Variants in TENM1 observed in about 807,000 individuals in gnomAD.
TENM1 encodes the protein teneurin-1.
TENM1 carries 35 observed loss-of-function variants against 174.8 expected under a neutral mutation model. The ratio of observed to expected loss-of-function variants is 0.20; its 90% CI spans 0.15 to 0.27. TENM1 has a LOEUF of 0.27. TENM1 is among the 10% of genes least tolerant of loss of function. The pLI, the probability that TENM1 is intolerant of heterozygous loss-of-function variation, is 1.00. For synonymous variants in TENM1, 781 were observed against 798.7 expected, an observed-to-expected ratio of 0.98 and a Z score of 0.37; for missense variants, 1,633 against 2,130.1, an observed-to-expected ratio of 0.77 and a Z score of 4.59.
chrX:124,519,214 C>G (rs1215127010), intron 18 of TENM1, among the ~76,000 whole-genome samples: 1 of 111,633 alleles, frequency 9.0e-6, no homozygotes, highest in Non-Finnish European at 1.9e-5. Context: ...TTGAGTCCTG[C>G]TTGTGAGGCT....
the TENM1 span, among the ~76,000 whole-genome samples, chrX:125,175,044 G>A: frequency 2.7e-5 from 3 of 111,242 alleles, no homozygotes; most frequent in Non-Finnish European, 5.7e-5. Context: ...ATACACATGC[G>A]CACACACAAG....
the TENM1 span, among the ~76,000 whole-genome samples, chrX:125,011,501 A>ACC: frequency 9.0e-6 from 1 of 111,242 alleles, no homozygotes; most frequent in Non-Finnish European, 1.9e-5. Flanking sequence ...GAAACAAACA[A>ACC]CCCCATCAAA....
intron 3 of TENM1, among the ~76,000 whole-genome samples, chrX:124,744,733 G>T (rs1030738993): frequency 1.1e-4 from 12 of 112,006 alleles, no homozygotes; most frequent in Admixed American, 9.5e-5. Context: ...GGTAGGTAAT[G>T]GAGGGTTATG....
intron 1 of TENM1, among the ~76,000 whole-genome samples, chrX:124,921,518 TTAAA>T (rs1428014712): frequency 2.7e-5 from 3 of 111,996 alleles, no homozygotes; most frequent in African/African-American, 9.7e-5. Flanking sequence ...TCTGGAAATA[TTAAA>T]TGTTATATGT....
At chrX:124,998,109 G>A in the TENM1 span, among the ~76,000 whole-genome samples, 401 of 101,679 alleles carry the variant, frequency 3.9e-3, 1 homozygote, top group African/African-American at 0.014. Flanking sequence ...AAAAAAAAAA[G>A]GATTTCCCAC....
chrX:125,184,173 C>A, the TENM1 span, among the ~76,000 whole-genome samples: 1 of 111,645 alleles, frequency 9.0e-6, no homozygotes, highest in Non-Finnish European at 1.9e-5. Flanking sequence ...TATAAGTGTG[C>A]ATTCTTTGGG....
chrX:124,646,611 C>T, intron 9 of TENM1, 98 bp downstream of exon 12: 1 of 591,984 alleles, frequency 1.7e-6, no homozygotes, highest in Non-Finnish European at 2.7e-6. Flanking sequence ...TTGCTGTCAC[C>T]ACTACTAATG....
intron 11 of TENM1, among the ~76,000 whole-genome samples, chrX:124,572,544 T>C (rs1008273438): frequency 9.0e-6 from 1 of 111,113 alleles, no homozygotes; most frequent in African/African-American, 3.3e-5. Context: ...TAGAATTAAC[T>C]ACAGCTTCTA....
intron 6 of TENM1, 134 bp downstream of exon 9, chrX:124,671,549 T>C (rs756702678): frequency 8.8e-5 from 55 of 621,534 alleles, no homozygotes; most frequent in Non-Finnish European, 1.2e-4. Flanking sequence ...TTTACATGCA[T>C]TTATTCTGTC....
chrX:124,922,729 A>C, intron 1 of TENM1, among the ~76,000 whole-genome samples: 1 of 111,493 alleles, frequency 9.0e-6, no homozygotes, highest in Middle Eastern at 4.7e-3. Flanking sequence ...TTATTTAGGA[A>C]GTAATATAAT....
rs536405871 is a variant in TENM1, at chrX:124,805,394, T to C, written c.536-68197A>G. 4.5e-5 allele frequency among the ~76,000 whole-genome samples: 5 copies of C among 111,915 alleles called. No individual in the cohort carries two copies. The South Asian group carries it at 1.9e-3, about 42-fold the overall frequency. On this transcript the variant is annotated intron_variant, in intron 3 of 31. Coordinates refer to ENST00000422452, the Ensembl canonical transcript of TENM1. ...TCTAACCTTGAGAGCCTGGAAAAAA[T>C]TTGAAATTCATAAAGTAGAAATTCA...
At chrX:125,129,773 G>A in the TENM1 span, among the ~76,000 whole-genome samples, 1 of 111,069 alleles carries the variant, frequency 9.0e-6, no homozygotes, top group African/African-American at 3.3e-5. Flanking sequence ...CAAATGACAG[G>A]ATCTCATTCT....
At chrX:124,958,756 T>C (rs764958551) in intron 1 of TENM1, among the ~76,000 whole-genome samples, 2 of 111,531 alleles carry the variant, frequency 1.8e-5, no homozygotes, top group South Asian at 3.8e-4. Flanking sequence ...CTGGGGATAA[T>C]AGCGCATACC....
At chrX:124,842,576 T>C (rs1321301348) in intron 3 of TENM1, among the ~76,000 whole-genome samples, 1 of 111,073 alleles carries the variant, frequency 9.0e-6, no homozygotes, top group Non-Finnish European at 1.9e-5. Flanking sequence ...GGTACCAACA[T>C]GATCAAGTTT....
At chrX:125,100,680 T>A in the TENM1 span, among the ~76,000 whole-genome samples, 24 of 112,119 alleles carry the variant, frequency 2.1e-4, no homozygotes, top group South Asian at 8.1e-3. Context: ...TTGCTTTCGT[T>A]CTTAAAAGTC....
intron 3 of TENM1, among the ~76,000 whole-genome samples, chrX:124,759,573 G>C (rs1225091325): frequency 1.8e-5 from 2 of 111,331 alleles, no homozygotes; most frequent in Admixed American, 1.9e-4. Context: ...TACGATGTTT[G>C]GTTTTCCATT....
chrX:125,110,232 G>T, the TENM1 span, among the ~76,000 whole-genome samples: 1 of 111,249 alleles, frequency 9.0e-6, no homozygotes, highest in African/African-American at 3.3e-5. Context: ...CTTGCCAAAC[G>T]TAAAAAGGTC....
At chrX:125,186,034 T>C in the TENM1 span, among the ~76,000 whole-genome samples, 1 of 111,331 alleles carries the variant, frequency 9.0e-6, no homozygotes, top group Non-Finnish European at 1.9e-5. Context: ...CAATTTCCTT[T>C]TTTTTTCAAT....
rs895877534 is a variant in TENM1, at chrX:124,737,281, G to A, written c.536-84C>T. On this transcript the variant is annotated intron_variant, in intron 3 of 31. Coordinates refer to ENST00000422452, the Ensembl canonical transcript of TENM1. ...GGAAACCAGCATGACAGACTTACCA[G>A]GATTTCAGATAATAAAACCTGTGGG... 2.1e-4 allele frequency: 218 copies of A among 1,016,588 alleles called. No homozygotes were observed. In the Admixed American group the frequency reaches 7.6e-3, roughly 36 times the overall value. The allele number at this position is 1,016,588 out of a possible 1,213,427, so 83.8% of individuals were successfully genotyped here. A position where few individuals can be genotyped will look rare whatever the true frequency, so the allele number is the denominator to read the frequency against.
Sources: allele counts gnomAD v4.1 joint callset (sites outside exome capture counted in the v4.1 genomes callset), GRCh38; gene constraint gnomAD v4.1.1; transcripts MANE v1.5; gene names NCBI Gene and HGNC (gene_info 2026-07-23, HGNC 2026-07-21).